Variants in CLC observed in about 807,000 individuals in gnomAD.
CLC encodes galectin-10.
In CLC, 15 loss-of-function variants were observed where a neutral mutation model predicts 13.9. The observed-to-expected ratio is 1.08, with a 90% CI of 0.72 to 1.66. The LOEUF (loss-of-function observed/expected upper bound fraction) is 1.66. Ranked by LOEUF, CLC falls within the 40% of genes most tolerant of loss-of-function variation. The probability of loss-of-function intolerance (pLI) is 0.00; values close to 1 mark genes in which losing one functional copy is unlikely to be tolerated. For synonymous variants in CLC, 68 were observed against 59.9 expected, an observed-to-expected ratio of 1.14 and a Z score of -0.63; for missense variants, 161 against 169.1, an observed-to-expected ratio of 0.95 and a Z score of 0.27.
At position 39,738,029 on chromosome 19, in the gene CLC, G is replaced by A. The variant is rs1208700921; in HGVS notation, c.-77C>T. ...AATCTCTGAGCTGCAGAATTTAAATGGCCCCTATCAGCCCTGCCTCTGGCT... is the reference window on the plus strand; with the variant it reads ...AATCTCTGAGCTGCAGAATTTAAATAGCCCCTATCAGCCCTGCCTCTGGCT... On this transcript the variant is annotated 5_prime_UTR_variant, in exon 1 of 4. Transcript: ENST00000221804. 2.1e-6 allele frequency: 3 copies of A among 1,461,726 alleles called. No individual in the cohort carries two copies. In the Admixed American group the frequency reaches 5.4e-5, roughly 26 times the overall value. 90.5% of individuals were successfully genotyped at this position (1,461,726 alleles called of 1,614,324 possible). A position where few individuals can be genotyped will look rare whatever the true frequency, so the allele number is the denominator to read the frequency against.
In CLC at chr19:39,734,399, C is replaced by A; in HGVS notation, c.187G>T (p.Val63Phe). Residue 63 changes from valine to phenylalanine, a missense_variant, in exon 3 of 4, where the codon GTC becomes TTC. By Grantham distance (50) the Val-to-Phe change is conservative. Transcript: ENST00000221804. ...GCCCCATACTCACGGCTGTTCATGA[C>A]CACACGACGACCAAAGCACACTTGG... is the stretch of plus-strand genomic sequence containing the variant. ...HFQVCFGRRV[V>F]MNSREYGAWK... 1 of 1,614,130 alleles carries A rather than the reference C, an allele frequency of 6.2e-7. No individual in the cohort carries two copies. The highest frequency in any genetic ancestry group is 8.5e-7 in the Non-Finnish European group (1 of 1,179,986).
intron 3 of CLC, chr19:39,733,778 C>CTATA (rs370202278): frequency 1.3e-5 from 1 of 78,532 alleles, no homozygotes; most frequent in African/African-American, 3.2e-4. Flanking sequence ...TAAGGATAGA[C>CTATA]TATGGAAGAA....
At chr19:39,735,158 T>TA (rs1967290360) in intron 1 of CLC, 85 bp from the exon 2 acceptor site, 1 of 937,394 alleles carries the variant, frequency 1.1e-6, no homozygotes, top group African/African-American at 1.6e-5. Flanking sequence ...TGCAGCCAGT[T>TA]AGAGATCAAG....
Position 39,731,393 on chromosome 19 carries a change from T to G in CLC, c.416A>C (p.Tyr139Ser), listed in dbSNP as rs747796915. 3 of 1,613,554 alleles carry G rather than the reference T, an allele frequency of 1.9e-6. No individual in the cohort carries two copies. The South Asian group carries it at 3.3e-5, about 18-fold the overall frequency. The change falls in exon 4 of 4, where the codon TAT (tyrosine) becomes TCT (serine). Residue 139 changes from tyrosine to serine, a missense_variant. By Grantham distance (144) the Tyr-to-Ser change is moderately radical (BLOSUM62 -2). Coordinates refer to ENST00000221804, the MANE Select transcript of CLC (RefSeq NM_001828.6). ...DISLTKFNVS[Y>S]LKR ...CATGAAGTCTGGTTATCTCTTTAAA[T>G]AGCTGACATTAAATTTGGTCAGGGA...
rs1194167337 is a variant in CLC, at chr19:39,731,403, T to A, written c.406A>T (p.Asn136Tyr). Residue 136 changes from asparagine to tyrosine, a missense_variant, in exon 4 of 4, where the codon AAT becomes TAT. Asn to Tyr is a moderately radical substitution (Grantham distance 143). Coordinates refer to ENST00000221804, the MANE Select transcript of CLC (RefSeq NM_001828.6). ...VWRDISLTKF[N>Y]VSYLKR ...GGTTATCTCTTTAAATAGCTGACAT[T>A]AAATTTGGTCAGGGAGATATCTCTC... 1 of 1,613,780 alleles carries A rather than the reference T, an allele frequency of 6.2e-7. No individual in the cohort carries two copies. Among genetic ancestry groups the A allele is most frequent in the Non-Finnish European group, 8.5e-7 (1 of 1,179,736 alleles).
At chr19:39,731,929 C>G (rs1045691701) in intron 3 of CLC, among the ~76,000 whole-genome samples, 1 of 152,126 alleles carries the variant, frequency 6.6e-6, no homozygotes, top group African/African-American at 2.4e-5. Context: ...TGCTGATGAC[C>G]CAGTTTCTCT....
intron 3 of CLC, 57 bp downstream of exon 3, chr19:39,734,226 G>A (rs1298078993): frequency 1.3e-6 from 2 of 1,558,990 alleles, no homozygotes; most frequent in Non-Finnish European, 1.8e-6. Context: ...ATGAAGAGCT[G>A]CCTCCTGCTC....
intron 3 of CLC, chr19:39,733,907 A>G: frequency 1.0e-6 from 1 of 983,666 alleles, no homozygotes; most frequent in Non-Finnish European, 1.2e-6. Flanking sequence ...AGCTACATGA[A>G]AATTTAAATA....
intron 1 of CLC, among the ~76,000 whole-genome samples, chr19:39,736,070 C>T (rs2238678): frequency 2.0e-5 from 3 of 151,734 alleles, no homozygotes; most frequent in Non-Finnish European, 4.4e-5. Flanking sequence ...GAATACCAAA[C>T]GATTTTCCAA....
intron 1 of CLC, among the ~76,000 whole-genome samples, chr19:39,736,352 C>T (rs1286039488): frequency 6.6e-5 from 10 of 152,276 alleles, no homozygotes; most frequent in African/African-American, 7.2e-5. Flanking sequence ...AGAGCACAAC[C>T]GCAGTACTTG....
At chr19:39,735,631 A>C (rs760567791) in intron 1 of CLC, among the ~76,000 whole-genome samples, 3 of 152,186 alleles carry the variant, frequency 2.0e-5, no homozygotes, top group Non-Finnish European at 4.4e-5. Flanking sequence ...GGGACCTTAG[A>C]TCTATTGCTT....
chr19:39,735,386 C>T (rs1967293133), intron 1 of CLC, among the ~76,000 whole-genome samples: 1 of 152,174 alleles, frequency 6.6e-6, no homozygotes. Flanking sequence ...TGAACTGGCA[C>T]AATCACAGCC....
rs1348688404 is a variant in CLC at position 39,731,282 on chromosome 19, G to A, written c.*98C>T. 2 of 1,301,362 alleles carry A rather than the reference G, an allele frequency of 1.5e-6. No individual in the cohort carries two copies. The highest frequency in any genetic ancestry group is 2.2e-6 in the Non-Finnish European group (2 of 906,746). The allele number at this position is 1,301,362 out of a possible 1,614,324, so 80.6% of individuals were successfully genotyped here. A position where few individuals can be genotyped will look rare whatever the true frequency, so the allele number is the denominator to read the frequency against. Reference sequence around the variant, plus strand: ...AAGTTTGATTAAGTTTTAATGAGCAGGAGTAAGGATTGAAGTGAGAAAAGA... The same window carrying A: ...AAGTTTGATTAAGTTTTAATGAGCAAGAGTAAGGATTGAAGTGAGAAAAGA... On this transcript the variant is annotated 3_prime_UTR_variant, in exon 4 of 4. Coordinates refer to ENST00000221804, the MANE Select transcript of CLC (RefSeq NM_001828.6).
In CLC at chr19:39,735,989, T is replaced by G. The variant is rs913755894; in HGVS notation, c.16-916A>C. Among the ~76,000 whole-genome samples the G allele has an allele frequency of 8.5e-5, 13 of 152,120 alleles. No homozygotes were observed. The South Asian group carries it at 1.4e-3, about 17-fold the overall frequency. ...GTATAGGATTTTCCATAAACTAAAGTGTTTACTTGGCTAAAATCTGGTGAG... is the reference window on the plus strand; with the variant it reads ...GTATAGGATTTTCCATAAACTAAAGGGTTTACTTGGCTAAAATCTGGTGAG... On this transcript the variant is annotated intron_variant, in intron 1 of 3. Transcript: ENST00000221804.
At chr19:39,737,460 C>T (rs1967329971) in intron 1 of CLC, among the ~76,000 whole-genome samples, 1 of 151,920 alleles carries the variant, frequency 6.6e-6, no homozygotes. Context: ...CACCCAGTCA[C>T]ATTCCAGCAC....
At chr19:39,734,076 A>G in intron 3 of CLC, 1 of 985,226 alleles carries the variant, frequency 1.0e-6, no homozygotes, top group Non-Finnish European at 1.2e-6. Context: ...AGAGAGGGAA[A>G]TGATAAAAGT....
At chr19:39,737,754 AC>A (rs1010291450) in intron 1 of CLC, among the ~76,000 whole-genome samples, 183 bp downstream of exon 1, 1 of 151,164 alleles carries the variant, frequency 6.6e-6, no homozygotes, top group African/African-American at 2.4e-5. Context: ...CAGCATCCAC[AC>A]CCCCTACCCC....
At chr19:39,731,547 C>T (rs1483435735) in intron 3 of CLC, 42 bp from the exon 4 acceptor site, 1 of 1,568,638 alleles carries the variant, frequency 6.4e-7, no homozygotes, top group Admixed American at 1.8e-5. Flanking sequence ...AGTATTTCAC[C>T]AAACAAGCTT....
At chr19:39,734,789 G>A (rs1967283859) in intron 2 of CLC, among the ~76,000 whole-genome samples, 1 of 152,102 alleles carries the variant, frequency 6.6e-6, no homozygotes, top group Non-Finnish European at 1.5e-5. Flanking sequence ...CAAGCCTTGA[G>A]TGTCCTTTAC....
Sources: gnomAD v4.1 joint callset for allele counts (sites outside exome capture counted in the v4.1 genomes callset) on GRCh38, gnomAD v4.1.1 for gene constraint, MANE v1.5 for transcripts, NCBI Gene and HGNC (gene_info 2026-07-23, HGNC 2026-07-21) for gene names.